The following FANCC variants were observed in gnomAD, a reference collection of about 807,000 sequenced individuals.
The protein encoded by FANCC is FA complementation group C.
In FANCC, 55 loss-of-function variants were observed where a neutral mutation model predicts 71.3. The ratio of observed to expected loss-of-function variants is 0.77; its 90% CI spans 0.62 to 0.97. The LOEUF is 0.97. Ranked by LOEUF, FANCC falls within the 50% of genes least tolerant of loss-of-function variation. The probability of loss-of-function intolerance (pLI) is 0.00; values close to 1 mark genes in which losing one functional copy is unlikely to be tolerated. For synonymous variants in FANCC, 275 were observed against 244.9 expected, an observed-to-expected ratio of 1.12 and a Z score of -1.15; for missense variants, 678 against 670.9, an observed-to-expected ratio of 1.01 and a Z score of -0.12.
chr9:95,155,819 A>G (rs1477202464), intron 6 of FANCC, among the ~76,000 whole-genome samples: 1 of 151,902 alleles, frequency 6.6e-6, no homozygotes, highest in Non-Finnish European at 1.5e-5. Flanking sequence ...CCCAGGCTCA[A>G]GCGATGCTCC....
At chr9:95,293,908 TC>T in intron 1 of FANCC, 1 of 1,596,436 alleles carries the variant, frequency 6.3e-7, no homozygotes, top group Non-Finnish European at 8.6e-7. Context: ...TGTTCATTCA[TC>T]ATATAATGTT....
At chr9:95,300,923 G>A (rs551485087) in intron 1 of FANCC, among the ~76,000 whole-genome samples, 2 of 152,212 alleles carry the variant, frequency 1.3e-5, no homozygotes, top group African/African-American at 4.8e-5. Flanking sequence ...TGGTATTGAG[G>A]TTAAAATTAA....
intron 1 of FANCC, among the ~76,000 whole-genome samples, chr9:95,296,771 C>T (rs1834404433): frequency 6.6e-6 from 1 of 152,174 alleles, no homozygotes; most frequent in Admixed American, 6.5e-5. Flanking sequence ...GACATTCACA[C>T]TCAAGATAGT....
chr9:95,124,691 C>T (rs1346152938), intron 10 of FANCC, among the ~76,000 whole-genome samples: 1 of 152,184 alleles, frequency 6.6e-6, no homozygotes, highest in Admixed American at 6.5e-5. Context: ...GTAATAAGTG[C>T]CCTTTCCTAT....
intron 6 of FANCC, among the ~76,000 whole-genome samples, chr9:95,169,049 A>G (rs749803042): frequency 1.3e-5 from 2 of 152,202 alleles, no homozygotes; most frequent in African/African-American, 2.4e-5. Flanking sequence ...TAATGACCTC[A>G]AAGTCCAAGA....
At chr9:95,239,200 G>A (rs564286119) in intron 4 of FANCC, among the ~76,000 whole-genome samples, 11 of 152,200 alleles carry the variant, frequency 7.2e-5, no homozygotes, top group Non-Finnish European at 8.8e-5. Flanking sequence ...CCCCCTCTAC[G>A]TCAGCGTCAC....
chr9:95,289,259 A>C (rs1833869218), intron 1 of FANCC, among the ~76,000 whole-genome samples: 1 of 152,194 alleles, frequency 6.6e-6, no homozygotes, highest in African/African-American at 2.4e-5. Context: ...TAATGCTCAG[A>C]AGCACATATA....
At chr9:95,183,585 T>G (rs952087320) in intron 4 of FANCC, among the ~76,000 whole-genome samples, 2 of 152,226 alleles carry the variant, frequency 1.3e-5, no homozygotes, top group African/African-American at 4.8e-5. Context: ...CACAGAATAC[T>G]GGGAAAACAT....
intron 1 of FANCC, among the ~76,000 whole-genome samples, chr9:95,309,693 C>A (rs62558275): frequency 4.5e-4 from 68 of 152,274 alleles, no homozygotes; most frequent in Admixed American, 1.1e-3. Flanking sequence ...GAAAACCCAA[C>A]TCTATTCATC....
At chr9:95,265,893 T>C (rs1246348683) in intron 1 of FANCC, among the ~76,000 whole-genome samples, 1 of 152,052 alleles carries the variant, frequency 6.6e-6, no homozygotes, top group Non-Finnish European at 1.5e-5. Context: ...TTGGGACCCA[T>C]ACACAGATTA....
Position 95,100,700 on chromosome 9 carries a change from G to C in FANCC, c.*1007C>G, listed in dbSNP as rs887364685. 4.4e-6 allele frequency: 1 copy of C among 228,100 alleles called. No homozygotes were observed. Among genetic ancestry groups the C allele is most frequent in the Admixed American group, 5.7e-5 (1 of 17,590 alleles). 14.1% of individuals were successfully genotyped at this position (228,100 alleles called of 1,614,324 possible). ...GGCTGGAGTGCAGTGTCATGATCTC[G>C]GCTCACTACAACTCCCACCTCCCGG... On this transcript the variant is annotated 3_prime_UTR_variant, in exon 15 of 15. Coordinates refer to ENST00000289081, the MANE Select transcript of FANCC (RefSeq NM_000136.3).
intron 4 of FANCC, among the ~76,000 whole-genome samples, chr9:95,229,041 T>C (rs1829816698): frequency 6.6e-6 from 1 of 152,096 alleles, no homozygotes; most frequent in African/African-American, 2.4e-5. Flanking sequence ...CTCACACCTG[T>C]AATCCCAACA....
chr9:95,313,371 G>A (rs1314522832), intron 1 of FANCC, among the ~76,000 whole-genome samples: 1 of 152,220 alleles, frequency 6.6e-6, no homozygotes, highest in African/African-American at 2.4e-5. Context: ...GAGAAGGCGC[G>A]CGCATGTGTG....
At chr9:95,314,615 G>A (rs1835627608) in intron 1 of FANCC, among the ~76,000 whole-genome samples, 1 of 151,658 alleles carries the variant, frequency 6.6e-6, no homozygotes, top group Non-Finnish European at 1.5e-5. Context: ...TCGTGCCACT[G>A]CACTCCAGTC....
Position 95,297,520 on chromosome 9 carries a change from AAATG to A in FANCC, c.-79+20002_-79+20005del, listed in dbSNP as rs1834456739. ...TTGGCATGTCTGGGCAACTGCTTCC[AAATG>A]AATGCTGACTCTTGTTACCTCTTCT... On this transcript the variant is annotated intron_variant, in intron 1 of 14. Transcript: ENST00000289081. Among the ~76,000 whole-genome samples the A allele has an allele frequency of 3.3e-5, 5 of 152,304 alleles. No individual in the cohort carries two copies. In the South Asian group the frequency reaches 1.0e-3, roughly 32 times the overall value.
chr9:95,294,251 T>C (rs1834238747), intron 1 of FANCC: 8 of 1,580,434 alleles, frequency 5.1e-6, no homozygotes, highest in South Asian at 2.2e-5. Context: ...AATTTTGATA[T>C]TGAAGAGTTC....
intron 3 of FANCC, among the ~76,000 whole-genome samples, chr9:95,241,301 ACCAAGTG>A (rs1468449168): frequency 6.6e-6 from 1 of 152,246 alleles, no homozygotes. Context: ...TATTTCTAGT[ACCAAGTG>A]CTTTGGATAA....
At position 95,270,376 on chromosome 9, in the gene FANCC, C is replaced by G. The variant is rs4647403; in HGVS notation, c.-78-21007G>C. On this transcript the variant is annotated intron_variant, in intron 1 of 14. Transcript: ENST00000289081. ...ACCACCCGGAGAAACGGCAAGCACT[C>G]CAGAGATCAGCCACCCGAGAACTGT... is the stretch of plus-strand genomic sequence containing the variant. Among the ~76,000 whole-genome samples, 15 of 152,240 alleles carry G rather than the reference C, an allele frequency of 9.9e-5. No homozygotes were observed. In the South Asian group the frequency reaches 1.9e-3, roughly 19 times the overall value.
At chr9:95,178,044 CT>C (rs563841161) in intron 4 of FANCC, among the ~76,000 whole-genome samples, 93 of 146,444 alleles carry the variant, frequency 6.4e-4, no homozygotes, top group Non-Finnish European at 5.0e-4. Flanking sequence ...TTATTTTTTG[CT>C]TTTTTTTTTT....
Sources: allele counts gnomAD v4.1 joint callset (sites outside exome capture counted in the v4.1 genomes callset), GRCh38; gene constraint gnomAD v4.1.1; transcripts MANE v1.5; gene names NCBI Gene and HGNC (gene_info 2026-07-23, HGNC 2026-07-21).